The following ITPR1 variants were observed in gnomAD, a reference collection of about 807,000 sequenced individuals.
ITPR1 encodes inositol 1,4,5-trisphosphate-gated calcium channel ITPR1.
ITPR1 carries 96 observed loss-of-function variants against 318.4 expected under a neutral mutation model. The ratio of observed to expected loss-of-function variants is 0.30; its 90% CI spans 0.26 to 0.36. The LOEUF (loss-of-function observed/expected upper bound fraction) is 0.36, where lower values mean the gene tolerates loss of function less well. Ranked by LOEUF, ITPR1 falls within the 10% of genes least tolerant of loss-of-function variation. ITPR1 has a pLI of 1.00. For missense variants in ITPR1, 2,440 were observed against 3,460.2 expected (o/e 0.71, Z 7.40); for synonymous variants, 1,312 against 1,289.9 (o/e 1.02, Z -0.37).
rs1025691259 is a variant in ITPR1, at chr3:4,650,840, C to T, written c.856-1283C>T. Among the ~76,000 whole-genome samples, 9 of 152,158 alleles carry T rather than the reference C, an allele frequency of 5.9e-5. No individual in the cohort carries two copies. The East Asian group carries it at 1.3e-3, about 23-fold the overall frequency. On this transcript the variant is annotated intron_variant, in intron 10 of 61. Transcript: ENST00000649015. The stretch of plus-strand genomic sequence containing the variant: ...TGACAGGTCCTGCGTTCATGGGTCA[C>T]GTTTTTCTGATTCTTTGTCTAGTCC...
At chr3:4,588,253 C>G (rs2090088619) in intron 4 of ITPR1, among the ~76,000 whole-genome samples, 1 of 152,176 alleles carries the variant, frequency 6.6e-6, no homozygotes, top group Non-Finnish European at 1.5e-5. Flanking sequence ...TGTTCTCTTC[C>G]TGACCCTAGA....
At chr3:4,509,651 G>A (rs1407389655) in intron 2 of ITPR1, among the ~76,000 whole-genome samples, 1 of 152,166 alleles carries the variant, frequency 6.6e-6, no homozygotes, top group African/African-American at 2.4e-5. Context: ...AAAAAACTTA[G>A]CCAGACATGG....
At position 4,559,100 on chromosome 3, in the gene ITPR1, C is replaced by T. The variant is rs1051063445; in HGVS notation, c.163+38006C>T. On this transcript the variant is annotated intron_variant, in intron 4 of 61. Transcript: ENST00000649015. ...CTCAAACTCCTGGGTGCAAATGATCCTCCTGCCTTAGCCTCCTGAGTAGTT... is the reference window on the plus strand; with the variant it reads ...CTCAAACTCCTGGGTGCAAATGATCTTCCTGCCTTAGCCTCCTGAGTAGTT... Among the ~76,000 whole-genome samples the T allele has an allele frequency of 3.9e-5, 6 of 151,978 alleles. 1 individual carries two copies. Among genetic ancestry groups the T allele is most frequent in the African/African-American group, 1.4e-4 (6 of 41,408 alleles).
intron 4 of ITPR1, among the ~76,000 whole-genome samples, chr3:4,626,216 A>T (rs115268330): frequency 1.3e-4 from 19 of 151,560 alleles, no homozygotes; most frequent in African/African-American, 4.4e-4. Flanking sequence ...GTGTATTTTT[A>T]AAAGTTACAA....
At chr3:4,722,166 A>T (rs189223371) in intron 40 of ITPR1, among the ~76,000 whole-genome samples, 96 of 152,280 alleles carry the variant, frequency 6.3e-4, no homozygotes, top group African/African-American at 2.2e-3. Context: ...ATTGGGAGTC[A>T]TTTTTCTATT....
chr3:4,656,302 T>C (rs2093706986), intron 12 of ITPR1, among the ~76,000 whole-genome samples: 1 of 152,248 alleles, frequency 6.6e-6, no homozygotes, highest in Non-Finnish European at 1.5e-5. Context: ...TGCCAGCCTG[T>C]AGCTGAGTCC....
intron 4 of ITPR1, among the ~76,000 whole-genome samples, chr3:4,547,479 A>G (rs1257260973): frequency 6.6e-6 from 1 of 152,138 alleles, no homozygotes; most frequent in Non-Finnish European, 1.5e-5. Flanking sequence ...TGTCCCCCTT[A>G]ATTGTATCCA....
At chr3:4,737,851 T>C (rs2043386981) in intron 44 of ITPR1, among the ~76,000 whole-genome samples, 1 of 152,192 alleles carries the variant, frequency 6.6e-6, no homozygotes, top group Non-Finnish European at 1.5e-5. Context: ...ACCTCTTTGT[T>C]TGGGTGGTGG....
intron 60 of ITPR1, among the ~76,000 whole-genome samples, chr3:4,835,830 C>A (rs967752554): frequency 6.6e-6 from 1 of 152,128 alleles, no homozygotes; most frequent in Non-Finnish European, 1.5e-5. Flanking sequence ...ATTCTGTTAA[C>A]CAGTAGTGAG....
intron 4 of ITPR1, among the ~76,000 whole-genome samples, chr3:4,548,011 C>A (rs1380814222): frequency 2.0e-5 from 3 of 152,300 alleles, no homozygotes; most frequent in Admixed American, 1.3e-4. Context: ...TCTTATTTCT[C>A]ATGTTGAATT....
intron 60 of ITPR1, among the ~76,000 whole-genome samples, chr3:4,835,670 A>G (rs1039463700): frequency 6.6e-6 from 1 of 152,170 alleles, no homozygotes; most frequent in African/African-American, 2.4e-5. Context: ...AGACATGTGG[A>G]ATGAGTCAGT....
intron 4 of ITPR1, among the ~76,000 whole-genome samples, chr3:4,524,477 C>G (rs922199195): frequency 5.9e-5 from 9 of 152,110 alleles, no homozygotes; most frequent in African/African-American, 2.2e-4. Flanking sequence ...TCCTCATGGA[C>G]TCGTTGCACC....
chr3:4,785,564 G>C (rs867597325), intron 51 of ITPR1, among the ~76,000 whole-genome samples: 1 of 89,742 alleles, frequency 1.1e-5, no homozygotes, highest in South Asian at 3.7e-4. Flanking sequence ...GTGTATGTGA[G>C]CAAATATCTG....
chr3:4,671,299 C>T (rs1025006275), intron 20 of ITPR1, among the ~76,000 whole-genome samples: 1 of 152,200 alleles, frequency 6.6e-6, no homozygotes, highest in Admixed American at 6.5e-5. Context: ...ATTTCTTTAT[C>T]TGCAAAATGA....
At chr3:4,734,884 GC>G (rs1251538370) in intron 43 of ITPR1, among the ~76,000 whole-genome samples, 1 of 152,198 alleles carries the variant, frequency 6.6e-6, no homozygotes, top group African/African-American at 2.4e-5. Flanking sequence ...GTCTTTGCTG[GC>G]TGGCTTTAGG....
At chr3:4,655,617 T>C (rs2093688962) in intron 12 of ITPR1, among the ~76,000 whole-genome samples, 1 of 152,182 alleles carries the variant, frequency 6.6e-6, no homozygotes, top group Non-Finnish European at 1.5e-5. Context: ...GGTTTTAGGA[T>C]CTTCCTGGTA....
At chr3:4,494,328 T>C (rs1351389294) in intron 1 of ITPR1, 103 bp from the exon 2 acceptor site, 1 of 152,356 alleles carries the variant, frequency 6.6e-6, no homozygotes, top group African/African-American at 2.4e-5. Flanking sequence ...CTGTCCCCAG[T>C]GAAGGAGGCT....
chr3:4,584,559 G>GTT lies in ITPR1; in HGVS notation c.164-43192_164-43191dup, dbSNP rs5846327. ...CTCTCTTTGCCCAGAGAGTTAGTGG[G>GTT]TTTTTTTTTTTTTGTGAAAGGAAGT... On this transcript the variant is annotated intron_variant, in intron 4 of 61. Coordinates refer to ENST00000649015, the MANE Select transcript of ITPR1 (RefSeq NM_001378452.1). Among the ~76,000 whole-genome samples, 702 of 145,236 alleles carry GTT rather than the reference G, an allele frequency of 4.8e-3. 9 individuals are homozygous for GTT. The highest frequency in any genetic ancestry group is 0.017 in the African/African-American group (675 of 39,712).
chr3:4,774,722 G>A (rs2046382588), intron 46 of ITPR1, among the ~76,000 whole-genome samples: 1 of 152,192 alleles, frequency 6.6e-6, no homozygotes, highest in African/African-American at 2.4e-5. Flanking sequence ...CTTTAATCGT[G>A]GAAATGGCCA....
Sources: gnomAD v4.1 joint callset for allele counts (sites outside exome capture counted in the v4.1 genomes callset) on GRCh38, gnomAD v4.1.1 for gene constraint, MANE v1.5 for transcripts, NCBI Gene and HGNC (gene_info 2026-07-23, HGNC 2026-07-21) for gene names.